Variants in VPS16 observed in about 807,000 individuals in gnomAD.
VPS16 encodes the protein VPS16 core subunit of CORVET and HOPS complexes, also known as vacuolar protein sorting-associated protein 16 homolog.
VPS16 carries 82 observed loss-of-function variants against 116.0 expected under a neutral mutation model. The observed-to-expected ratio is 0.71, with a 90% CI of 0.59 to 0.85. VPS16 has a LOEUF of 0.85. Ranked by LOEUF, VPS16 falls within the 40% of genes least tolerant of loss-of-function variation. The probability of loss-of-function intolerance (pLI) is 0.00; values close to 1 mark genes in which losing one functional copy is unlikely to be tolerated. For synonymous variants in VPS16, 406 were observed against 420.7 expected (o/e 0.96, Z 0.43); for missense variants, 928 against 1,090.6 (o/e 0.85, Z 2.10).
chr20:2,857,298 A>G (rs2089181116), intron 1 of VPS16, among the ~76,000 whole-genome samples: 1 of 152,182 alleles, frequency 6.6e-6, no homozygotes, highest in Admixed American at 6.5e-5. Context: ...CTTCAGAATC[A>G]GTTTGTGCAT....
In VPS16 at chr20:2,865,415, C is replaced by A. The variant is rs202032042; in HGVS notation, c.2191C>A (p.Leu731Met). 1.2e-6 allele frequency: 2 copies of A among 1,614,170 alleles called. No homozygotes were observed. The highest frequency in any genetic ancestry group is 4.5e-5 in the East Asian group (2 of 44,882). ...TTCCTGCAGGCTCTGGTGGCTGAAG[C>A]TGACTGCCCTGGCAGATTTGGAAGA... Reference protein sequence around the residue: ...IPDKRLWWLKLTALADLEDWE... With the variant: ...IPDKRLWWLKMTALADLEDWE... Residue 731 changes from leucine (L) to methionine (M), a missense_variant, in exon 22 of 24, where the codon CTG (leucine) becomes ATG (methionine). Transcript: ENST00000380445. This position sits in a 1 kb window ranked among gnomAD's most constrained non-coding sequence, Gnocchi z 5.2.
chr20:2,846,434 A>T (rs73586025), intron 1 of VPS16, among the ~76,000 whole-genome samples: 4,011 of 152,196 alleles, frequency 0.026, 184 homozygotes, highest in African/African-American at 0.09. Flanking sequence ...TCCGCTTTTA[A>T]TTATTTTGGG....
At chr20:2,856,419 T>C (rs73606186) in intron 1 of VPS16, among the ~76,000 whole-genome samples, 1 of 152,150 alleles carries the variant, frequency 6.6e-6, no homozygotes. Flanking sequence ...CACAGAGACA[T>C]GAAGTGAGCA....
At chr20:2,858,367 A>G (rs899521485) in intron 1 of VPS16, among the ~76,000 whole-genome samples, 1 of 152,114 alleles carries the variant, frequency 6.6e-6, no homozygotes, top group Non-Finnish European at 1.5e-5. Context: ...TCGGCCCCCT[A>G]AAGTGCTCAG....
chr20:2,856,038 G>C (rs1195485826), intron 1 of VPS16, among the ~76,000 whole-genome samples: 1 of 152,220 alleles, frequency 6.6e-6, no homozygotes, highest in Non-Finnish European at 1.5e-5. Flanking sequence ...CTTTTGTCCT[G>C]TCTTGGCTTT....
At chr20:2,845,759 C>T (rs2089053129) in intron 1 of VPS16, among the ~76,000 whole-genome samples, 1 of 152,094 alleles carries the variant, frequency 6.6e-6, no homozygotes. Context: ...TACCCTCAAA[C>T]AACTCCCCAT....
rs1198728024 is a variant in VPS16 at position 2,865,107 on chromosome 20, G to A, written c.2005-41G>A. The A allele has an allele frequency of 1.2e-6, 2 of 1,613,964 alleles. No homozygotes were observed. Among genetic ancestry groups the A allele is most frequent in the Admixed American group, 1.7e-5 (1 of 60,000 alleles). On this transcript the variant is annotated intron_variant, in intron 20 of 23. Coordinates refer to ENST00000380445, the MANE Select transcript of VPS16 (RefSeq NM_022575.4). This position sits in a 1 kb window ranked among gnomAD's most constrained non-coding sequence, Gnocchi z 5.2. Reference sequence around the variant, plus strand: ...TCCTCGTCTCCTGGTCTTCCCTCCTGGTCCCTCATCCCCATCATGCCTCAT... The same window carrying A: ...TCCTCGTCTCCTGGTCTTCCCTCCTAGTCCCTCATCCCCATCATGCCTCAT...
chr20:2,841,211 G>C (rs2088968920), intron 1 of VPS16: 1 of 278,084 alleles, frequency 3.6e-6, no homozygotes. Context: ...CGGGGTAACA[G>C]TGCTGACCAA....
At position 2,842,860 on chromosome 20, in the gene VPS16, C is replaced by CGATAGATAGATAGATG. The variant is rs2089014966; in HGVS notation, c.53+2033_53+2034insGATAGATAGATAGATG. On this transcript the variant is annotated intron_variant, in intron 1 of 23. Transcript: ENST00000380445. ...TGTATCTATCGATAGATAGATGTAT[C>CGATAGATAGATAGATG]TATCGATAGATAGATAGATGTATCT... 2.2e-5 allele frequency among the ~76,000 whole-genome samples: 3 copies of CGATAGATAGATAGATG among 134,928 alleles called. 1 individual carries two copies. The highest frequency in any genetic ancestry group is 9.9e-5 in the African/African-American group (3 of 30,336). 88.5% of individuals were successfully genotyped at this position (134,928 alleles called of 152,430 possible). A position where few individuals can be genotyped will look rare whatever the true frequency, so the allele number is the denominator to read the frequency against.
rs2088990984 is a variant in VPS16 at position 2,842,611 on chromosome 20, T to G, written c.53+1784T>G. Among the ~76,000 whole-genome samples, 2 of 148,872 alleles carry G rather than the reference T, an allele frequency of 1.3e-5. 1 individual carries two copies. The highest frequency in any genetic ancestry group is 4.2e-4 in the South Asian group (2 of 4,742). ...AACAGAGTGAGACTCCGTCTATATA[T>G]AGATATATCTATCTATATCTATCTA... On this transcript the variant is annotated intron_variant, in intron 1 of 23. Coordinates refer to ENST00000380445, the MANE Select transcript of VPS16 (RefSeq NM_022575.4).
Position 2,866,481 on chromosome 20 carries a change from G to A in VPS16, c.2427G>A (p.Glu809=), listed in dbSNP as rs150101986. The change falls in exon 24 of 24, where the codon GAG becomes GAA. Residue 809 remains glutamate (E), a synonymous_variant. Coordinates refer to ENST00000380445, the MANE Select transcript of VPS16 (RefSeq NM_022575.4). ...DVAIEHRNEA[E]LSLVLSHCTG... The stretch of plus-strand genomic sequence containing the variant: ...CCATCGAACACCGGAATGAGGCTGA[G>A]CTGAGCCTCGTATTGTCCCACTGCA... The A allele has an allele frequency of 2.5e-6, 4 of 1,614,192 alleles. No homozygotes were observed. The highest frequency in any genetic ancestry group is 1.3e-5 in the African/African-American group (1 of 75,038).
At chr20:2,843,945 G>A (rs2089033837) in intron 1 of VPS16, among the ~76,000 whole-genome samples, 2 of 152,174 alleles carry the variant, frequency 1.3e-5, no homozygotes, top group South Asian at 4.1e-4. Context: ...AACATGCTAA[G>A]TACTTTATGT....
intron 7 of VPS16, 44 bp downstream of exon 7, chr20:2,861,136 G>T (rs750162214): frequency 6.2e-7 from 1 of 1,614,198 alleles, no homozygotes; most frequent in South Asian, 1.1e-5. Flanking sequence ...CTTGTCCAGG[G>T]TACAAGATCT....
At position 2,863,489 on chromosome 20, in the gene VPS16, A is replaced by G. The variant is rs2089267436; in HGVS notation, c.1476+91A>G. 3.0e-6 allele frequency: 4 copies of G among 1,312,532 alleles called. No individual in the cohort carries two copies. Among genetic ancestry groups the G allele is most frequent in the Non-Finnish European group, 3.2e-6 (3 of 927,394 alleles). 81.3% of individuals were successfully genotyped at this position (1,312,532 alleles called of 1,614,324 possible). ...TAGAAAGTGTAGAACTGCGCTGGGC[A>G]CGGTGGCTCATGCCTGTAATCCCAA... On this transcript the variant is annotated intron_variant, in intron 15 of 23. Transcript: ENST00000380445. The surrounding 1 kb of genome is among the most constrained non-coding windows in gnomAD (Gnocchi z 4.4).
At chr20:2,851,832 G>A (rs1379368566) in intron 1 of VPS16, among the ~76,000 whole-genome samples, 10 of 152,150 alleles carry the variant, frequency 6.6e-5, no homozygotes, top group South Asian at 6.2e-4. Flanking sequence ...TTAGCTGGGC[G>A]TGATGGCAGG....
chr20:2,847,972 G>GTT, intron 1 of VPS16, among the ~76,000 whole-genome samples: 1 of 152,144 alleles, frequency 6.6e-6, no homozygotes, highest in East Asian at 1.9e-4. Flanking sequence ...AGCTGCTTCG[G>GTT]TTTTTTTCTT....
At chr20:2,840,988 A>C in intron 1 of VPS16, 161 bp downstream of exon 1, 1 of 679,046 alleles carries the variant, frequency 1.5e-6, no homozygotes, top group Non-Finnish European at 2.4e-6. Context: ...GCCTTTGGGC[A>C]GGGAGCCGGG....
Position 2,864,152 on chromosome 20 carries a change from C to T in VPS16, c.1612-27C>T. On this transcript the variant is annotated intron_variant, in intron 16 of 23. Transcript: ENST00000380445. The surrounding 1 kb of genome is among the most constrained non-coding windows in gnomAD (Gnocchi z 5.2). ...CAGGGCCCCCATGCCAGCTCCTTCT[C>T]TCTGTGCCTTCCTTCTCACCTCACA... 4.3e-6 allele frequency: 7 copies of T among 1,614,136 alleles called. No individual in the cohort carries two copies. In the South Asian group the frequency reaches 7.7e-5, roughly 18 times the overall value.
chr20:2,842,888 CGATA>C lies in VPS16; in HGVS notation c.53+2074_53+2077del, dbSNP rs532388092. Among the ~76,000 whole-genome samples the C allele has an allele frequency of 1.6e-4, 20 of 126,324 alleles. 1 individual carries two copies. The highest frequency in any genetic ancestry group is 6.1e-4 in the African/African-American group (15 of 24,780). 82.9% of individuals were successfully genotyped at this position (126,324 alleles called of 152,430 possible). On this transcript the variant is annotated intron_variant, in intron 1 of 23. Coordinates refer to ENST00000380445, the MANE Select transcript of VPS16 (RefSeq NM_022575.4). ...TCGATAGATAGATAGATGTATCTAT[CGATA>C]GATAGATAGATATATGTTATGGATT...
Sources: allele counts gnomAD v4.1 joint callset (sites outside exome capture counted in the v4.1 genomes callset), GRCh38; gene constraint gnomAD v4.1.1; non-coding constraint Gnocchi (gnomAD v3.1); transcripts MANE v1.5; gene names NCBI Gene and HGNC (gene_info 2026-07-23, HGNC 2026-07-21).